The following RFX3 variants were observed in gnomAD, a reference collection of about 807,000 sequenced individuals.
RFX3 encodes transcription factor RFX3.
RFX3 carries 14 observed loss-of-function variants against 98.6 expected under a neutral mutation model. That is an observed-to-expected ratio of 0.14 (90% CI 0.09 to 0.22). The LOEUF (loss-of-function observed/expected upper bound fraction) is 0.22, where lower values mean the gene tolerates loss of function less well. Ranked by LOEUF, RFX3 falls within the 10% of genes least tolerant of loss-of-function variation. The pLI is 1.00. For missense variants in RFX3, 639 were observed against 926.9 expected, an observed-to-expected ratio of 0.69 and a Z score of 4.03; for synonymous variants, 383 against 328.4, an observed-to-expected ratio of 1.17 and a Z score of -1.80.
At chr9:3,341,241 C>A (rs940947681) in intron 3 of RFX3, among the ~76,000 whole-genome samples, 13 of 151,530 alleles carry the variant, frequency 8.6e-5, no homozygotes, top group African/African-American at 3.2e-4. Context: ...ACATCACACT[C>A]TGGGGACTGT....
At chr9:3,260,130 T>C (rs1054375505) in intron 13 of RFX3, among the ~76,000 whole-genome samples, 2 of 151,976 alleles carry the variant, frequency 1.3e-5, no homozygotes, top group Non-Finnish European at 2.9e-5. Flanking sequence ...TGTACAGAGC[T>C]GTGAAAAGTA....
intron 10 of RFX3, 31 bp downstream of exon 10, chr9:3,270,972 A>C (rs1459977948): frequency 6.2e-7 from 1 of 1,613,598 alleles, no homozygotes; most frequent in African/African-American, 1.3e-5. Context: ...CTCAGCCATG[A>C]AAATGAATTG....
chr9:3,371,133 T>C (rs1363673258), intron 2 of RFX3, among the ~76,000 whole-genome samples: 3 of 152,208 alleles, frequency 2.0e-5, no homozygotes, highest in Non-Finnish European at 4.4e-5. Flanking sequence ...ATATTATTAG[T>C]TGCTATCAAG....
intron 4 of RFX3, among the ~76,000 whole-genome samples, chr9:3,304,858 C>T (rs1563894320): frequency 6.6e-6 from 1 of 151,924 alleles, no homozygotes; most frequent in Non-Finnish European, 1.5e-5. Flanking sequence ...AACAAGACTA[C>T]TTGTAACAAA....
At chr9:3,460,418 T>G (rs1378647226) in intron 1 of RFX3, among the ~76,000 whole-genome samples, 1 of 151,996 alleles carries the variant, frequency 6.6e-6, no homozygotes, top group Non-Finnish European at 1.5e-5. Context: ...CAACATCACA[T>G]AATAGATTTA....
At chr9:3,483,975 T>G (rs1317732765) in intron 1 of RFX3, among the ~76,000 whole-genome samples, 1 of 152,160 alleles carries the variant, frequency 6.6e-6, no homozygotes, top group Admixed American at 6.5e-5. Context: ...AACTCAAAAT[T>G]TTTTGAATTT....
intron 1 of RFX3, among the ~76,000 whole-genome samples, chr9:3,406,638 T>C (rs550081225): frequency 1.3e-5 from 2 of 152,280 alleles, no homozygotes; most frequent in East Asian, 1.9e-4. Context: ...CCAAAGAAGA[T>C]GAGTTTAAGA....
intron 1 of RFX3, among the ~76,000 whole-genome samples, chr9:3,476,260 T>A (rs1342542): frequency 0.17 from 25,787 of 151,496 alleles, 3,749 homozygotes; most frequent in East Asian, 0.57. Flanking sequence ...TGTTTTATGT[T>A]CTTTATTACA....
At chr9:3,263,203 A>C in intron 12 of RFX3, 119 bp from the exon 13 acceptor site, 2 of 1,039,388 alleles carry the variant, frequency 1.9e-6, no homozygotes, top group Non-Finnish European at 1.4e-6. Context: ...ACTTATTTAA[A>C]ATTCATTTGG....
At chr9:3,387,463 G>A (rs1198465293) in intron 2 of RFX3, among the ~76,000 whole-genome samples, 1 of 152,084 alleles carries the variant, frequency 6.6e-6, no homozygotes, top group Non-Finnish European at 1.5e-5. Flanking sequence ...CTATTCAGTA[G>A]AGATGGTCAA....
At chr9:3,331,765 T>C (rs1255126518) in intron 3 of RFX3, among the ~76,000 whole-genome samples, 2 of 152,160 alleles carry the variant, frequency 1.3e-5, no homozygotes, top group African/African-American at 4.8e-5. Flanking sequence ...TCAAAGACCT[T>C]TACCACATAA....
rs377175149 is a variant in RFX3, at chr9:3,414,912, A to G, written c.-8-19316T>C. Reference sequence around the variant, plus strand: ...AGTATATATATGAGTATATATACACACATATATACTCATATGTGTGTATAT... The same window carrying G: ...AGTATATATATGAGTATATATACACGCATATATACTCATATGTGTGTATAT... On this transcript the variant is annotated intron_variant, in intron 1 of 16. Coordinates refer to ENST00000617270, the MANE Select transcript of RFX3 (RefSeq NM_001282116.2). 8.1e-4 allele frequency among the ~76,000 whole-genome samples: 110 copies of G among 136,312 alleles called. 2 individuals are homozygous for G. In the South Asian group the frequency reaches 0.024, roughly 30 times the overall value. The allele number at this position is 136,312 out of a possible 152,430, so 89.4% of individuals were successfully genotyped here. A position where few individuals can be genotyped will look rare whatever the true frequency, so the allele number is the denominator to read the frequency against.
chr9:3,451,467 C>T (rs928802227), intron 1 of RFX3, among the ~76,000 whole-genome samples: 3 of 152,106 alleles, frequency 2.0e-5, no homozygotes, highest in African/African-American at 7.2e-5. Flanking sequence ...TGGCTCAAGC[C>T]CAGGAGGTCG....
intron 7 of RFX3, among the ~76,000 whole-genome samples, chr9:3,280,343 T>C (rs1825779835): frequency 6.6e-6 from 1 of 151,838 alleles, no homozygotes; most frequent in African/African-American, 2.4e-5. Context: ...TTCCAGGTAG[T>C]GATAACTTTT....
At chr9:3,241,958 C>G (rs1288375194) in intron 15 of RFX3, among the ~76,000 whole-genome samples, 1 of 152,140 alleles carries the variant, frequency 6.6e-6, no homozygotes, top group African/African-American at 2.4e-5. Flanking sequence ...TTAAGCTAGG[C>G]ACCTGGCTTG....
intron 1 of RFX3, among the ~76,000 whole-genome samples, chr9:3,420,299 A>C (rs1843334633): frequency 6.6e-6 from 1 of 152,158 alleles, no homozygotes; most frequent in African/African-American, 2.4e-5. Context: ...CATGAAACCA[A>C]ATGCCCCTAC....
At chr9:3,286,474 C>A (rs2920361) in intron 7 of RFX3, among the ~76,000 whole-genome samples, 2,145 of 151,668 alleles carry the variant, frequency 0.014, 50 homozygotes, top group African/African-American at 0.048. Flanking sequence ...ATATAATAGC[C>A]AACCTTGAAC....
intron 15 of RFX3, among the ~76,000 whole-genome samples, chr9:3,237,755 T>G (rs1381927994): frequency 1.3e-5 from 2 of 152,204 alleles, no homozygotes; most frequent in African/African-American, 2.4e-5. Flanking sequence ...TATATAACTT[T>G]CCCAGGGTGC....
At chr9:3,273,947 G>A (rs1219834214) in intron 9 of RFX3, among the ~76,000 whole-genome samples, 1 of 151,696 alleles carries the variant, frequency 6.6e-6, no homozygotes, top group African/African-American at 2.4e-5. Flanking sequence ...AAATTGTTTA[G>A]AGAATCTTTA....
Sources: gnomAD v4.1 joint callset for allele counts (sites outside exome capture counted in the v4.1 genomes callset) on GRCh38, gnomAD v4.1.1 for gene constraint, MANE v1.5 for transcripts, NCBI Gene and HGNC (gene_info 2026-07-23, HGNC 2026-07-21) for gene names.